The following STAG1 variants were observed in gnomAD, a reference collection of about 807,000 sequenced individuals.
STAG1 encodes STAG1 cohesin complex component, also known as cohesin subunit SA-1.
A neutral mutation model predicts 170.9 loss-of-function variants in STAG1; 26 were observed. The ratio of observed to expected loss-of-function variants is 0.15; its 90% CI spans 0.11 to 0.21. STAG1 has a LOEUF of 0.21. STAG1 is among the 10% of genes least tolerant of loss of function. The probability of loss-of-function intolerance (pLI) is 1.00; values close to 1 mark genes in which losing one functional copy is unlikely to be tolerated. For synonymous variants in STAG1, 514 were observed against 497.7 expected, an observed-to-expected ratio of 1.03 and a Z score of -0.44; for missense variants, 964 against 1,509.5, an observed-to-expected ratio of 0.64 and a Z score of 5.99.
At chr3:136,356,032 G>C (rs1419027815) in intron 28 of STAG1, among the ~76,000 whole-genome samples, 1 of 150,978 alleles carries the variant, frequency 6.6e-6, no homozygotes, top group Non-Finnish European at 1.5e-5. Flanking sequence ...CCATTTCAGT[G>C]CCTGAAACTC....
chr3:136,543,570 T>C (rs1427010204), intron 5 of STAG1, among the ~76,000 whole-genome samples: 1 of 152,084 alleles, frequency 6.6e-6, no homozygotes, highest in Admixed American at 6.5e-5. Flanking sequence ...TAAGTCATCC[T>C]AGAGTGGCTC....
intron 28 of STAG1, among the ~76,000 whole-genome samples, chr3:136,349,745 G>A (rs946019421): frequency 6.6e-6 from 1 of 152,116 alleles, no homozygotes; most frequent in African/African-American, 2.4e-5. Context: ...TAAGGAGGCT[G>A]GCATGCCCTC....
chr3:136,742,129 G>C (rs1163730515), intron 1 of STAG1, among the ~76,000 whole-genome samples: 3 of 152,170 alleles, frequency 2.0e-5, no homozygotes, highest in Non-Finnish European at 2.9e-5. Context: ...CTTGGCAGCT[G>C]ATAGAATGAG....
At chr3:136,432,527 G>C (rs2088337828) in intron 16 of STAG1, among the ~76,000 whole-genome samples, 1 of 126,020 alleles carries the variant, frequency 7.9e-6, no homozygotes, top group Non-Finnish European at 1.7e-5. Flanking sequence ...GGGGGGGGGG[G>C]CACAGAGTCT....
chr3:136,716,322 G>A (rs1205637764), intron 1 of STAG1, among the ~76,000 whole-genome samples: 1 of 151,926 alleles, frequency 6.6e-6, no homozygotes, highest in Middle Eastern at 3.2e-3. Context: ...AATTAGCCAG[G>A]CATGGTGGCG....
chr3:136,547,539 T>C (rs1289565750), intron 5 of STAG1, among the ~76,000 whole-genome samples: 1 of 152,216 alleles, frequency 6.6e-6, no homozygotes, highest in African/African-American at 2.4e-5. Flanking sequence ...TCTCCTTCCA[T>C]GAGTTAACAT....
At chr3:136,377,582 T>C in intron 23 of STAG1, 78 bp downstream of exon 23, 1 of 1,232,790 alleles carries the variant, frequency 8.1e-7, no homozygotes, top group East Asian at 2.4e-5. Context: ...AAAACTGCCA[T>C]AAAAAATTGT....
chr3:136,502,903 T>G, intron 7 of STAG1, 124 bp from the exon 8 acceptor site: 1 of 708,622 alleles, frequency 1.4e-6, no homozygotes, highest in Non-Finnish European at 2.0e-6. Flanking sequence ...AACCCAGGCA[T>G]AATTTAAGTT....
intron 2 of STAG1, among the ~76,000 whole-genome samples, chr3:136,626,595 A>C (rs1940106406): frequency 6.6e-6 from 1 of 152,214 alleles, no homozygotes. Flanking sequence ...TATTTAAAAG[A>C]GGCATCTGAA....
At chr3:136,367,392 G>C (rs1480452086) in intron 24 of STAG1, among the ~76,000 whole-genome samples, 3 of 151,928 alleles carry the variant, frequency 2.0e-5, no homozygotes, top group African/African-American at 2.4e-5. Flanking sequence ...CCACAGATAG[G>C]GAGGGCTGAT....
chr3:136,458,506 A>G (rs56043110), intron 13 of STAG1, among the ~76,000 whole-genome samples: 14,538 of 152,200 alleles, frequency 0.096, 2,252 homozygotes, highest in African/African-American at 0.33. Flanking sequence ...CCTCAGTGTA[A>G]TCACAAAGCA....
intron 2 of STAG1, among the ~76,000 whole-genome samples, chr3:136,626,398 C>T (rs71336068): frequency 1.3e-5 from 2 of 149,410 alleles, no homozygotes; most frequent in Non-Finnish European, 3.0e-5. Context: ...GCACTCCAGC[C>T]TGAGCAACAG....
chr3:136,500,014 G>T, intron 9 of STAG1: 1 of 447,804 alleles, frequency 2.2e-6, no homozygotes. Flanking sequence ...AACAGCATAT[G>T]TTCTGAATTT....
At chr3:136,681,779 C>T (rs905613504) in intron 1 of STAG1, among the ~76,000 whole-genome samples, 1 of 151,914 alleles carries the variant, frequency 6.6e-6, no homozygotes, top group African/African-American at 2.4e-5. Flanking sequence ...GGGAGGGAGT[C>T]ACATGATCAT....
chr3:136,466,261 A>T (rs1033524666), intron 12 of STAG1, among the ~76,000 whole-genome samples: 11 of 152,150 alleles, frequency 7.2e-5, no homozygotes, highest in Non-Finnish European at 1.0e-4. Flanking sequence ...TTGAAAAAAG[A>T]CTAGATGAAT....
At chr3:136,603,694 G>A (rs1191894337) in intron 4 of STAG1, among the ~76,000 whole-genome samples, 1 of 152,080 alleles carries the variant, frequency 6.6e-6, no homozygotes, top group Non-Finnish European at 1.5e-5. Flanking sequence ...ATCATCCTGG[G>A]TAACACGGTG....
At chr3:136,468,224 T>G (rs2089524562) in intron 12 of STAG1, among the ~76,000 whole-genome samples, 1 of 152,070 alleles carries the variant, frequency 6.6e-6, no homozygotes, top group African/African-American at 2.4e-5. Context: ...AGGAGCTCGT[T>G]TTTTGAAAAG....
In STAG1 at chr3:136,714,141, G is replaced by A. The variant is rs1009924813; in HGVS notation, c.-84+38054C>T. Among the ~76,000 whole-genome samples the A allele has an allele frequency of 7.2e-5, 11 of 152,220 alleles. No individual in the cohort carries two copies. The East Asian group carries it at 9.7e-4, about 13-fold the overall frequency. ...TGCCCAGAGCCATGATTGCATCACC[G>A]CACTCCAGCCTGAGAAACAGAGCCT... On this transcript the variant is annotated intron_variant, in intron 1 of 33. Coordinates refer to ENST00000383202, the MANE Select transcript of STAG1 (RefSeq NM_005862.3).
At chr3:136,667,257 A>C (rs541792500) in intron 1 of STAG1, among the ~76,000 whole-genome samples, 9 of 152,266 alleles carry the variant, frequency 5.9e-5, no homozygotes, top group Admixed American at 2.6e-4. Flanking sequence ...AATAACAGAC[A>C]CTATCTAAAG....
Sources: allele counts gnomAD v4.1 joint callset (sites outside exome capture counted in the v4.1 genomes callset), GRCh38; gene constraint gnomAD v4.1.1; transcripts MANE v1.5; gene names NCBI Gene and HGNC (gene_info 2026-07-23, HGNC 2026-07-21).